The following WDR44 variants were observed in gnomAD, a reference collection of about 807,000 sequenced individuals.
WDR44 encodes the protein WD repeat-containing protein 44.
Under a neutral mutation model 65.7 loss-of-function variants are expected in WDR44, and 9 were observed. That is an observed-to-expected ratio of 0.14 (90% CI 0.08 to 0.24). WDR44 has a LOEUF of 0.24. Ranked by LOEUF, WDR44 falls within the 10% of genes least tolerant of loss-of-function variation. The probability of loss-of-function intolerance (pLI) is 1.00; values close to 1 mark genes in which losing one functional copy is unlikely to be tolerated. For synonymous variants in WDR44, 220 were observed against 235.2 expected, an observed-to-expected ratio of 0.94 and a Z score of 0.59; for missense variants, 425 against 670.9, an observed-to-expected ratio of 0.63 and a Z score of 4.05.
intron 2 of WDR44, among the ~76,000 whole-genome samples, chrX:118,379,039 A>G (rs962164905): frequency 6.7e-5 from 7 of 104,870 alleles, no homozygotes; most frequent in African/African-American, 2.5e-4. Flanking sequence ...GCGAGACTCC[A>G]CCTCAAAAAA....
At position 118,382,356 on chromosome X, in the gene WDR44, G is replaced by A. The variant is rs113787350; in HGVS notation, c.111+3904G>A. Among the ~76,000 whole-genome samples, 240 of 112,029 alleles carry A rather than the reference G, an allele frequency of 2.1e-3. 3 individuals are homozygous for A. Among genetic ancestry groups the A allele is most frequent in the African/African-American group, 7.4e-3 (229 of 30,900 alleles). On this transcript the variant is annotated intron_variant, in intron 2 of 19. Coordinates refer to ENST00000254029, the MANE Select transcript of WDR44 (RefSeq NM_019045.5). ...TGTCAAGAGGCAGTTAAAATGTCAA[G>A]ACATGAGACTCCAACAAAGGGAACA...
intron 14 of WDR44, among the ~76,000 whole-genome samples, chrX:118,440,723 G>A (rs897865199): frequency 9.9e-5 from 11 of 111,249 alleles, no homozygotes; most frequent in Non-Finnish European, 1.7e-4. Context: ...TTAACTTTTT[G>A]TAACCCAGAA....
At chrX:118,375,515 CAAAAA>C (rs3048529) in intron 1 of WDR44, among the ~76,000 whole-genome samples, 2 of 62,035 alleles carry the variant, frequency 3.2e-5, no homozygotes, top group Admixed American at 1.7e-4. Context: ...GACCCCATCT[CAAAAA>C]AAAAAAAAAA....
intron 12 of WDR44, among the ~76,000 whole-genome samples, chrX:118,420,389 A>G (rs1444269733): frequency 9.1e-6 from 1 of 110,433 alleles, no homozygotes; most frequent in Non-Finnish European, 1.9e-5. Context: ...AATAACTGGT[A>G]TTACAGGCAC....
chrX:118,355,895 G>A (rs1425808162), intron 1 of WDR44, among the ~76,000 whole-genome samples: 2 of 111,779 alleles, frequency 1.8e-5, no homozygotes, highest in East Asian at 5.6e-4. Flanking sequence ...TGGATGTATA[G>A]GATCTTCATA....
intron 14 of WDR44, among the ~76,000 whole-genome samples, chrX:118,438,714 G>C (rs1209989426): frequency 9.1e-6 from 1 of 109,604 alleles, no homozygotes; most frequent in Admixed American, 9.9e-5. Flanking sequence ...CAAAGTGCTA[G>C]GATTAAAAGC....
At chrX:118,414,741 CTG>C (rs942734532) in intron 12 of WDR44, among the ~76,000 whole-genome samples, 6 of 112,105 alleles carry the variant, frequency 5.4e-5, no homozygotes, top group Admixed American at 4.8e-4. Flanking sequence ...TATCTGGAAA[CTG>C]TGCTGAATTC....
chrX:118,441,285 T>C, intron 14 of WDR44, 83 bp from the exon 15 acceptor site: 1 of 931,940 alleles, frequency 1.1e-6, no homozygotes, highest in Non-Finnish European at 1.5e-6. Context: ...TAAACTATTC[T>C]AATAGACTTA....
At chrX:118,417,053 C>T (rs899509776) in intron 12 of WDR44, among the ~76,000 whole-genome samples, 2 of 111,656 alleles carry the variant, frequency 1.8e-5, no homozygotes, top group Non-Finnish European at 3.8e-5. Context: ...CCTTTTACCA[C>T]CCCTTTAAGT....
intron 3 of WDR44, 83 bp from the exon 4 acceptor site, chrX:118,392,549 T>A: frequency 2.4e-6 from 2 of 817,710 alleles, no homozygotes; most frequent in South Asian, 2.6e-5. Context: ...TGGCACATAC[T>A]AAGTACTATG....
Position 118,440,131 on chromosome X carries a change from A to AAG in WDR44, c.1975-1236_1975-1235insGA, listed in dbSNP as rs1368635584. On this transcript the variant is annotated intron_variant, in intron 14 of 19. Transcript: ENST00000254029. ...TGAGACCCCATCACCAAAAAAAAAA[A>AAG]AAAAGAAAGAAAGAAAGAAAAATTC... Among the ~76,000 whole-genome samples the AAG allele has an allele frequency of 4.6e-5, 5 of 108,671 alleles. No individual in the cohort carries two copies. The Admixed American group carries it at 5.0e-4, about 11-fold the overall frequency. 94.4% of individuals were successfully genotyped at this position (108,671 alleles called of 115,157 possible). A position where few individuals can be genotyped will look rare whatever the true frequency, so the allele number is the denominator to read the frequency against.
At chrX:118,429,295 G>A (rs1451473857) in intron 12 of WDR44, among the ~76,000 whole-genome samples, 1 of 111,193 alleles carries the variant, frequency 9.0e-6, no homozygotes. Context: ...CTAATATAAG[G>A]ATAAGGAAAT....
chrX:118,393,480 T>C (rs753854529), intron 4 of WDR44, among the ~76,000 whole-genome samples: 84 of 110,280 alleles, frequency 7.6e-4, no homozygotes, highest in African/African-American at 2.6e-3. Context: ...TAGTCCCAGC[T>C]ACTTGGGAGG....
intron 14 of WDR44, among the ~76,000 whole-genome samples, chrX:118,439,819 AAAG>A (rs201823882): frequency 0.026 from 2,830 of 108,416 alleles, 71 homozygotes; most frequent in African/African-American, 0.075. Context: ...AAGGAAAAAA[AAAG>A]AAGAAGAAGA....
At chrX:118,403,970 C>T (rs1328394016) in intron 8 of WDR44, among the ~76,000 whole-genome samples, 1 of 111,965 alleles carries the variant, frequency 8.9e-6, no homozygotes, top group Non-Finnish European at 1.9e-5. Flanking sequence ...GCAGCCTTCT[C>T]AAAGCAGTTC....
intron 12 of WDR44, among the ~76,000 whole-genome samples, chrX:118,431,091 C>G: frequency 9.0e-6 from 1 of 111,325 alleles, no homozygotes. Context: ...TGTCCTCATT[C>G]AAGCCCTCAT....
At chrX:118,394,297 A>G (rs2056847197) in intron 5 of WDR44, 112 bp downstream of exon 5, 1 of 1,037,506 alleles carries the variant, frequency 9.6e-7, no homozygotes, top group African/African-American at 1.9e-5. Flanking sequence ...TGTCCTCCAA[A>G]CCTGACCCCC....
rs751126785 is a variant in WDR44, at chrX:118,436,920, T to C, written c.1974+96T>C. The C allele has an allele frequency of 7.0e-4, 589 of 841,230 alleles. 2 individuals carry two copies. The South Asian group carries it at 9.8e-3, about 14-fold the overall frequency. 69.3% of individuals were successfully genotyped at this position (841,230 alleles called of 1,213,427 possible). Reference sequence around the variant, plus strand: ...CAATTGGACTACAGGAAAAAAATTATTAACAGCTACATAGTTATGAGCAAT... The same window carrying C: ...CAATTGGACTACAGGAAAAAAATTACTAACAGCTACATAGTTATGAGCAAT... On this transcript the variant is annotated intron_variant, in intron 14 of 19. Transcript: ENST00000254029.
At chrX:118,347,353 T>A (rs2056361289) in intron 1 of WDR44, among the ~76,000 whole-genome samples, 1 of 111,744 alleles carries the variant, frequency 8.9e-6, no homozygotes, top group Non-Finnish European at 1.9e-5. Flanking sequence ...TTCTGCAAGA[T>A]GTTTTAGTGG....
Sources: allele counts gnomAD v4.1 joint callset (sites outside exome capture counted in the v4.1 genomes callset), GRCh38; gene constraint gnomAD v4.1.1; transcripts MANE v1.5; gene names NCBI Gene and HGNC (gene_info 2026-07-23, HGNC 2026-07-21).